The following TMEM132D variants were observed in gnomAD, a reference collection of about 807,000 sequenced individuals.
The protein encoded by TMEM132D is transmembrane protein 132D, also known as mature OL transmembrane protein.
In TMEM132D, 21 loss-of-function variants were observed where a neutral mutation model predicts 62.3. That is an observed-to-expected ratio of 0.34 (90% CI 0.24 to 0.49). The LOEUF (loss-of-function observed/expected upper bound fraction) is 0.49. Ranked by LOEUF, TMEM132D falls within the 20% of genes least tolerant of loss-of-function variation. The pLI is 0.99. For missense variants in TMEM132D, 1,346 were observed against 1,402.8 expected (o/e 0.96, Z 0.65); for synonymous variants, 621 against 575.6 (o/e 1.08, Z -1.13).
At chr12:129,367,859 C>T (rs1423839533) in intron 3 of TMEM132D, among the ~76,000 whole-genome samples, 6 of 148,152 alleles carry the variant, frequency 4.0e-5, no homozygotes, top group Non-Finnish European at 7.4e-5. Context: ...AATCTTGGCT[C>T]ACTGCAATCA....
At position 129,074,219 on chromosome 12, in the gene TMEM132D, C is replaced by T. The variant is rs2135602224; in HGVS notation, c.2956G>A (p.Glu986Lys). The T allele has an allele frequency of 5.6e-6, 9 of 1,614,058 alleles. No individual in the cohort carries two copies. Among genetic ancestry groups the T allele is most frequent in the East Asian group, 2.2e-5 (1 of 44,858 alleles). The change falls in exon 9 of 9, where the codon GAG (glutamate) becomes AAG (lysine). Residue 986 changes from glutamate to lysine, a missense_variant. Glu to Lys is a moderately conservative substitution (Grantham distance 56). Transcript: ENST00000422113. ...CCCCTGTCAATGGCAGTGATTTGCT[C>T]ATCTTGCGAGGAGGCAAAGTTGATG... is the stretch of plus-strand genomic sequence containing the variant. Reference protein sequence around the residue: ...NHINFASSQDEQITAIDRGMD... With the variant: ...NHINFASSQDKQITAIDRGMD...
chr12:129,896,151 T>C (rs1354711573), intron 1 of TMEM132D, among the ~76,000 whole-genome samples: 3 of 151,210 alleles, frequency 2.0e-5, no homozygotes, highest in African/African-American at 7.3e-5. Context: ...TTTTGTTTTG[T>C]TTTGTTTTGT....
intron 5 of TMEM132D, among the ~76,000 whole-genome samples, chr12:129,126,796 C>T (rs1412059856): frequency 2.6e-5 from 4 of 152,180 alleles, no homozygotes; most frequent in African/African-American, 9.7e-5. Flanking sequence ...GATCAGTTAA[C>T]TAGGAACTTT....
chr12:129,839,149 T>TTTTTTTTTTTTTG, intron 1 of TMEM132D, among the ~76,000 whole-genome samples: 1 of 135,744 alleles, frequency 7.4e-6, no homozygotes, highest in African/African-American at 2.7e-5. Context: ...TTTTTTTTTT[T>TTTTTTTTTTTTTG]GAGATGGAAT....
intron 2 of TMEM132D, among the ~76,000 whole-genome samples, chr12:129,562,954 G>A (rs1296623339): frequency 1.3e-5 from 2 of 152,110 alleles, no homozygotes; most frequent in African/African-American, 4.8e-5. Flanking sequence ...TTCTATTACG[G>A]CACCTACCAT....
chr12:129,256,782 G>C (rs1018104756), intron 4 of TMEM132D, among the ~76,000 whole-genome samples: 5 of 152,096 alleles, frequency 3.3e-5, no homozygotes, highest in Non-Finnish European at 7.4e-5. Context: ...GTCTCAAACA[G>C]GATCTTGACC....
intron 5 of TMEM132D, among the ~76,000 whole-genome samples, chr12:129,145,362 G>C (rs900944623): frequency 6.6e-6 from 1 of 152,112 alleles, no homozygotes; most frequent in South Asian, 2.1e-4. Flanking sequence ...CTTGGCGGGT[G>C]GGGGGTTCAG....
At chr12:129,522,891 A>T (rs1007671936) in intron 3 of TMEM132D, 1 of 152,042 alleles carries the variant, frequency 6.6e-6, no homozygotes, top group African/African-American at 2.4e-5. Flanking sequence ...TTAGATATAT[A>T]TGTAGACACA....
At chr12:129,587,736 A>G (rs139706589) in intron 2 of TMEM132D, among the ~76,000 whole-genome samples, 5 of 152,284 alleles carry the variant, frequency 3.3e-5, no homozygotes, top group Non-Finnish European at 7.4e-5. Flanking sequence ...AGTTTCCACA[A>G]AGGAGCCGTA....
At chr12:129,822,091 C>T (rs901254231) in intron 1 of TMEM132D, among the ~76,000 whole-genome samples, 7 of 152,160 alleles carry the variant, frequency 4.6e-5, no homozygotes, top group Admixed American at 2.6e-4. Context: ...CTGAGACACA[C>T]GCTGGAGGAT....
intron 1 of TMEM132D, among the ~76,000 whole-genome samples, chr12:129,751,605 A>G (rs1870004271): frequency 6.6e-6 from 1 of 152,212 alleles, no homozygotes. Context: ...AAACATAAAG[A>G]TAACTTTGGA....
rs199981300 is a variant in TMEM132D at position 129,843,878 on chromosome 12, CAGG to C, written c.79+59380_79+59382del. 8.6e-3 allele frequency among the ~76,000 whole-genome samples: 1,307 copies of C among 152,070 alleles called. 27 individuals carry two copies. Among genetic ancestry groups the C allele is most frequent in the African/African-American group, 0.029 (1,212 of 41,474 alleles). On this transcript the variant is annotated intron_variant, in intron 1 of 8. Coordinates refer to ENST00000422113, the MANE Select transcript of TMEM132D (RefSeq NM_133448.3). The stretch of plus-strand genomic sequence containing the variant: ...CCGAGGTGGGGGGATTGCTTGAGCC[CAGG>C]AGTTCAGGGCCAGCCTGGGCAATAT...
intron 1 of TMEM132D, among the ~76,000 whole-genome samples, chr12:129,817,585 A>T (rs955540784): frequency 6.9e-5 from 6 of 87,570 alleles, no homozygotes; most frequent in Non-Finnish European, 1.4e-4. Flanking sequence ...CATCATAAAG[A>T]TAAGATGGTG....
chr12:129,679,354 T>G (rs1266870038), intron 2 of TMEM132D, among the ~76,000 whole-genome samples: 2 of 152,116 alleles, frequency 1.3e-5, no homozygotes, highest in Non-Finnish European at 2.9e-5. Flanking sequence ...TAAATTATTT[T>G]TCTATAACAC....
rs1404838755 is a variant in TMEM132D at position 129,071,806 on chromosome 12, A to C, written c.*2069T>G. 6.6e-6 allele frequency: 1 copy of C among 152,246 alleles called. No individual in the cohort carries two copies. The allele number at this position is 152,246 out of a possible 1,614,324, so 9.4% of individuals were successfully genotyped here. A position where few individuals can be genotyped will look rare whatever the true frequency, so the allele number is the denominator to read the frequency against. ...ATTCTTACAATCTACAGTACATTCTACACGCAGATGGATTTGGAAGCGGGC... is the reference window on the plus strand; with the variant it reads ...ATTCTTACAATCTACAGTACATTCTCCACGCAGATGGATTTGGAAGCGGGC... On this transcript the variant is annotated 3_prime_UTR_variant, in exon 9 of 9. Transcript: ENST00000422113.
intron 2 of TMEM132D, among the ~76,000 whole-genome samples, chr12:129,567,597 TCTG>T (rs1157141026): frequency 2.0e-5 from 3 of 152,170 alleles, no homozygotes; most frequent in Admixed American, 1.3e-4. Flanking sequence ...TTAGCTGGTA[TCTG>T]CTAAGTCAGA....
intron 2 of TMEM132D, among the ~76,000 whole-genome samples, chr12:129,607,798 G>C (rs1878669199): frequency 6.6e-6 from 1 of 152,136 alleles, no homozygotes; most frequent in Admixed American, 6.5e-5. Flanking sequence ...TTTCATACCA[G>C]CTTTCCCCCA....
chr12:129,598,999 C>G (rs559197639), intron 2 of TMEM132D, among the ~76,000 whole-genome samples: 1 of 152,274 alleles, frequency 6.6e-6, no homozygotes, highest in South Asian at 2.1e-4. Flanking sequence ...GCTTATACTT[C>G]TGAAGGAGTT....
chr12:129,200,875 G>A (rs1242091203), intron 5 of TMEM132D, among the ~76,000 whole-genome samples: 1 of 152,210 alleles, frequency 6.6e-6, no homozygotes, highest in Non-Finnish European at 1.5e-5. Flanking sequence ...TGTTTACTCA[G>A]CTTGTTAAGC....
Sources: allele counts gnomAD v4.1 joint callset (sites outside exome capture counted in the v4.1 genomes callset), GRCh38; gene constraint gnomAD v4.1.1; transcripts MANE v1.5; gene names NCBI Gene and HGNC (gene_info 2026-07-23, HGNC 2026-07-21).